The following ME3 variants were observed in gnomAD, a reference collection of about 807,000 sequenced individuals.
ME3 encodes malic enzyme 3, also known as NADP-dependent malic enzyme, mitochondrial.
A neutral mutation model predicts 68.9 loss-of-function variants in ME3; 48 were observed. The observed-to-expected ratio is 0.70, with a 90% CI of 0.55 to 0.89. The LOEUF (loss-of-function observed/expected upper bound fraction) is 0.89, where lower values mean the gene tolerates loss of function less well. ME3 is among the 40% of genes least tolerant of loss of function. The pLI is 0.00. For missense variants in ME3, 675 were observed against 797.4 expected, an observed-to-expected ratio of 0.85 and a Z score of 1.85; for synonymous variants, 320 against 318.8, an observed-to-expected ratio of 1.00 and a Z score of -0.04.
intron 4 of ME3, among the ~76,000 whole-genome samples, chr11:86,546,595 G>A (rs927966245): frequency 4.6e-5 from 7 of 152,116 alleles, no homozygotes; most frequent in African/African-American, 7.2e-5. Context: ...TTAGAGAAAC[G>A]CAAATCAAAA....
At chr11:86,467,662 T>TTCTC (rs57747402) in intron 7 of ME3, among the ~76,000 whole-genome samples, 103 of 144,406 alleles carry the variant, frequency 7.1e-4, no homozygotes, top group African/African-American at 1.4e-3. Flanking sequence ...CTCTCTCTGT[T>TTCTC]TCTCTCTCTC....
chr11:86,637,298 C>T (rs1471949005), intron 2 of ME3, among the ~76,000 whole-genome samples: 1 of 147,032 alleles, frequency 6.8e-6, no homozygotes, highest in Non-Finnish European at 1.5e-5. Context: ...CTTGGGAGAT[C>T]CTATTATAGT....
chr11:86,501,653 C>G (rs1952733629), intron 5 of ME3, among the ~76,000 whole-genome samples: 1 of 152,200 alleles, frequency 6.6e-6, no homozygotes, highest in Non-Finnish European at 1.5e-5. Flanking sequence ...TCTTTTCCCT[C>G]TTACTCCTTT....
chr11:86,648,173 A>G (rs1469707009), intron 2 of ME3, among the ~76,000 whole-genome samples: 1 of 152,230 alleles, frequency 6.6e-6, no homozygotes, highest in Non-Finnish European at 1.5e-5. Flanking sequence ...GTAAATAACA[A>G]AACTAAGGCA....
downstream of ME3, chr11:86,436,979 T>A (rs1443490313): frequency 6.6e-6 from 1 of 152,202 alleles, no homozygotes; most frequent in Non-Finnish European, 1.5e-5. Flanking sequence ...TACATGGATA[T>A]GTTGCATAGT....
intron 2 of ME3, among the ~76,000 whole-genome samples, chr11:86,614,259 A>C (rs2135218213): frequency 6.6e-6 from 1 of 152,334 alleles, no homozygotes. Flanking sequence ...CTGGCATTCA[A>C]ACTCATGTCT....
intron 8 of ME3, among the ~76,000 whole-genome samples, chr11:86,461,598 A>G (rs1190021555): frequency 6.6e-6 from 1 of 152,140 alleles, no homozygotes; most frequent in Admixed American, 6.5e-5. Flanking sequence ...ACTGGGCTAA[A>G]ATAGTTAAGC....
chr11:86,608,010 A>T (rs750040456), intron 2 of ME3, among the ~76,000 whole-genome samples: 1 of 152,088 alleles, frequency 6.6e-6, no homozygotes, highest in Non-Finnish European at 1.5e-5. Flanking sequence ...GCACCAGGCT[A>T]CTGTTTGGGG....
intron 2 of ME3, among the ~76,000 whole-genome samples, chr11:86,617,617 T>C (rs923426322): frequency 6.6e-6 from 1 of 152,186 alleles, no homozygotes; most frequent in Non-Finnish European, 1.5e-5. Flanking sequence ...AATTTTTTCA[T>C]TTGAGCTGCT....
chr11:86,532,875 C>T (rs1955364436), intron 4 of ME3, among the ~76,000 whole-genome samples: 1 of 152,192 alleles, frequency 6.6e-6, no homozygotes, highest in African/African-American at 2.4e-5. Context: ...GCCTGGCCAA[C>T]ATGGCAAAAC....
rs1372195076 is a variant in ME3, at chr11:86,651,820, C to T, written c.183+19942G>A. On this transcript the variant is annotated intron_variant, in intron 2 of 14. Coordinates refer to ENST00000543262, the Ensembl canonical transcript of ME3. Reference sequence around the variant, plus strand: ...CCGAACTGAAGGAGGAAGTTCGAACCCATGGCAAAGAAGTTAAAAACCTTG... The same window carrying T: ...CCGAACTGAAGGAGGAAGTTCGAACTCATGGCAAAGAAGTTAAAAACCTTG... Among the ~76,000 whole-genome samples, 2 of 152,088 alleles carry T rather than the reference C, an allele frequency of 1.3e-5. 1 individual carries two copies. Among genetic ancestry groups the T allele is most frequent in the Non-Finnish European group, 2.9e-5 (2 of 68,016 alleles).
Position 86,446,607 on chromosome 11 carries a change from G to T in ME3, c.1381-120C>A. The T allele has an allele frequency of 2.1e-6, 2 of 960,458 alleles. 1 individual carries two copies. The highest frequency in any genetic ancestry group is 3.2e-5 in the South Asian group (2 of 62,928). 59.5% of individuals were successfully genotyped at this position (960,458 alleles called of 1,614,324 possible). A position where few individuals can be genotyped will look rare whatever the true frequency, so the allele number is the denominator to read the frequency against. Reference sequence around the variant, plus strand: ...CATCCTCTCCCAAACGCCCAGCACTGTGCTGAGAACATGGCAGGTATTTAA... The same window carrying T: ...CATCCTCTCCCAAACGCCCAGCACTTTGCTGAGAACATGGCAGGTATTTAA... On this transcript the variant is annotated intron_variant, in intron 12 of 14. Coordinates refer to ENST00000543262, the Ensembl canonical transcript of ME3.
At chr11:86,583,302 T>A (rs143603249) in intron 2 of ME3, among the ~76,000 whole-genome samples, 2 of 151,892 alleles carry the variant, frequency 1.3e-5, no homozygotes, top group Non-Finnish European at 2.9e-5. Flanking sequence ...AGATATTAGG[T>A]TGATGCAAAA....
chr11:86,475,899 A>G (rs557890719), intron 7 of ME3, among the ~76,000 whole-genome samples: 2 of 149,350 alleles, frequency 1.3e-5, no homozygotes, highest in South Asian at 2.1e-4. Context: ...AGAGAGAGAG[A>G]GAAAGAGAAA....
chr11:86,487,550 G>A (rs541794085), intron 6 of ME3, 110 bp from the exon 7 acceptor site: 4 of 851,486 alleles, frequency 4.7e-6, no homozygotes, highest in Admixed American at 2.2e-5. Context: ...GGAGGAGAGG[G>A]GGGAGTAAGA....
intron 4 of ME3, among the ~76,000 whole-genome samples, chr11:86,536,419 G>A (rs1190830764): frequency 1.5e-5 from 2 of 131,046 alleles, no homozygotes; most frequent in Non-Finnish European, 3.2e-5. Context: ...AATCTACAAT[G>A]AACTCAAACA....
intron 2 of ME3, among the ~76,000 whole-genome samples, chr11:86,644,570 C>A (rs1944879819): frequency 6.6e-6 from 1 of 152,172 alleles, no homozygotes; most frequent in African/African-American, 2.4e-5. Flanking sequence ...TTTGTGGTCT[C>A]CAGACTCTAC....
chr11:86,526,739 T>A (rs1236453787), intron 4 of ME3, among the ~76,000 whole-genome samples: 1 of 152,236 alleles, frequency 6.6e-6, no homozygotes, highest in Non-Finnish European at 1.5e-5. Flanking sequence ...CCTCTGCTGC[T>A]GATACCCAGG....
rs539915802 is a variant in ME3 at position 86,533,766 on chromosome 11, G to A, written c.467+22787C>T. Reference sequence around the variant, plus strand: ...CAAAATACAGTCACAGTGGATGTATGTTTTGGAAAATGCATAATTAGACAA... The same window carrying A: ...CAAAATACAGTCACAGTGGATGTATATTTTGGAAAATGCATAATTAGACAA... On this transcript the variant is annotated intron_variant, in intron 4 of 14. Transcript: ENST00000543262. Among the ~76,000 whole-genome samples, 4 of 152,280 alleles carry A rather than the reference G, an allele frequency of 2.6e-5. No individual in the cohort carries two copies. The South Asian group carries it at 8.3e-4, about 32-fold the overall frequency.
Sources: allele counts gnomAD v4.1 joint callset (sites outside exome capture counted in the v4.1 genomes callset), GRCh38; gene constraint gnomAD v4.1.1; transcripts MANE v1.5; gene names NCBI Gene and HGNC (gene_info 2026-07-23, HGNC 2026-07-21).